USP39: variants seen among roughly 807,000 people sequenced by gnomAD.
USP39 encodes the protein ubiquitin carboxyl-terminal hydrolase 39.
A neutral mutation model predicts 66.4 loss-of-function variants in USP39; 38 were observed. That is an observed-to-expected ratio of 0.57 (90% CI 0.44 to 0.75). The LOEUF (loss-of-function observed/expected upper bound fraction) is 0.75, where lower values mean the gene tolerates loss of function less well. Among genes scored for constraint, USP39 ranks in the 30% least tolerant of loss-of-function variants. The pLI is 0.00. For synonymous variants in USP39, 303 were observed against 274.6 expected (o/e 1.10, Z -1.02); for missense variants, 608 against 714.4 (o/e 0.85, Z 1.70).
At position 85,616,264 on chromosome 2, in the gene USP39, C is replaced by T. The variant is rs764364602; in HGVS notation, c.69C>T (p.Gly23=). ...GGAAGCGAGAGTCTGAGTCGCGGGG[C>T]AGCTCCGGTCGCGTCAAGCGGGAGC... ...TRGKRESESR[G]SSGRVKRERD... The change falls in exon 1 of 13, where the codon GGC becomes GGT. Residue 23 remains glycine (G), a synonymous_variant. Transcript: ENST00000323701. The T allele has an allele frequency of 4.6e-6, 7 of 1,533,644 alleles. No individual in the cohort carries two copies. Among genetic ancestry groups the T allele is most frequent in the Non-Finnish European group, 6.1e-6 (7 of 1,138,664 alleles).
intron 1 of USP39, among the ~76,000 whole-genome samples, chr2:85,604,473 A>C (rs556771424): frequency 1.0e-3 from 155 of 152,264 alleles, no homozygotes; most frequent in South Asian, 3.3e-3. Flanking sequence ...TGGCCTCTCA[A>C]AGTGCTGGGA....
chr2:85,625,439 T>C, intron 4 of USP39, 100 bp from the exon 5 acceptor site: 1 of 1,516,362 alleles, frequency 6.6e-7, no homozygotes, highest in South Asian at 1.1e-5. Context: ...TGGTGGGATG[T>C]TCATGGCCAA....
chr2:85,633,559 C>T (rs1675531199), intron 6 of USP39, among the ~76,000 whole-genome samples: 1 of 152,074 alleles, frequency 6.6e-6, no homozygotes, highest in Non-Finnish European at 1.5e-5. Flanking sequence ...TGCTTGAGCC[C>T]AGGAGTTAGA....
upstream of USP39, chr2:85,609,609 G>C: frequency 1.2e-6 from 2 of 1,613,344 alleles, no homozygotes; most frequent in East Asian, 2.2e-5. Flanking sequence ...ACCACAGTAA[G>C]AAAGAAGAGG....
rs768255282 is a variant in USP39, at chr2:85,616,238, G to T, written c.43G>T (p.Gly15Trp). 4.7e-6 allele frequency: 7 copies of T among 1,490,392 alleles called. No individual in the cohort carries two copies. The East Asian group carries it at 1.0e-4, about 22-fold the overall frequency. The allele number at this position is 1,490,392 out of a possible 1,614,324, so 92.3% of individuals were successfully genotyped here. The change falls in exon 1 of 13, where the codon GGG (glycine) becomes TGG (tryptophan). Residue 15 changes from glycine (G) to tryptophan (W), a missense_variant. Gly to Trp is a radical substitution (Grantham distance 184, BLOSUM62 -2). Around this residue, in one of 6 missense-constraint regions of USP39, gnomAD observed 207 missense variants for 145.7 expected, o/e 1.42. Coordinates refer to ENST00000323701, the MANE Select transcript of USP39 (RefSeq NM_006590.4). ...GCGGGAGTCTCGCGGTTCCACTCGC[G>T]GGAAGCGAGAGTCTGAGTCGCGGGG... ...SKRESRGSTRGKRESESRGSS... is the reference protein window; with the variant it reads ...SKRESRGSTRWKRESESRGSS...
upstream of USP39, chr2:85,616,181 C>T (rs768449573): frequency 1.1e-5 from 16 of 1,422,630 alleles, no homozygotes; most frequent in Non-Finnish European, 1.5e-5. Context: ...CTGGACGACT[C>T]GGCCGGTAGT....
chr2:85,617,469 G>A (rs2104213793), intron 1 of USP39, among the ~76,000 whole-genome samples: 1 of 152,250 alleles, frequency 6.6e-6, no homozygotes, highest in Middle Eastern at 3.4e-3. Flanking sequence ...AAGGATGTTC[G>A]TGTAGTGAGC....
intron 10 of USP39, among the ~76,000 whole-genome samples, chr2:85,642,969 G>A (rs993952702): frequency 6.6e-6 from 1 of 151,866 alleles, no homozygotes; most frequent in Non-Finnish European, 1.5e-5. Context: ...GGGCGCAGTG[G>A]CTCACATCTG....
chr2:85,625,016 A>C (rs927614598), intron 4 of USP39, among the ~76,000 whole-genome samples: 1 of 152,076 alleles, frequency 6.6e-6, no homozygotes, highest in African/African-American at 2.4e-5. Flanking sequence ...AACTGGGCTA[A>C]ATTCAGTGTT....
intron 3 of USP39, among the ~76,000 whole-genome samples, chr2:85,621,978 C>T (rs939661055): frequency 3.3e-5 from 5 of 152,034 alleles, no homozygotes; most frequent in Admixed American, 2.0e-4. Flanking sequence ...TGCCACCATG[C>T]CTGGCTAATT....
chr2:85,616,758 A>C (rs6732858), intron 1 of USP39, among the ~76,000 whole-genome samples: 15,148 of 148,182 alleles, frequency 0.1, 848 homozygotes, highest in South Asian at 0.18. Context: ...GCTCACTGCA[A>C]CCTCTGCCTC....
intron 2 of USP39, among the ~76,000 whole-genome samples, chr2:85,620,299 CA>C (rs1251958404): frequency 6.6e-6 from 1 of 151,720 alleles, no homozygotes; most frequent in Non-Finnish European, 1.5e-5. Context: ...GGCAGCATGG[CA>C]AAACTTCAGC....
At chr2:85,611,355 C>G, upstream of USP39, 13 of 1,442,464 alleles carry the variant, frequency 9.0e-6, no homozygotes, top group Non-Finnish European at 1.1e-5. Flanking sequence ...TCGCTCATCG[C>G]TGTGCCAGAC....
upstream of USP39, chr2:85,608,902 C>T (rs376446305): frequency 1.2e-4 from 199 of 1,606,032 alleles, no homozygotes; most frequent in Non-Finnish European, 1.5e-4. Context: ...AGAATTCTTC[C>T]GAGTGCAGTG....
At chr2:85,609,012 G>A (rs1292036629), upstream of USP39, 1 of 1,614,126 alleles carries the variant, frequency 6.2e-7, no homozygotes, top group Non-Finnish European at 8.5e-7. Context: ...TCGCATGGGT[G>A]GATCCAGAGG....
intron 8 of USP39, 142 bp from the exon 9 acceptor site, chr2:85,639,061 C>G (rs1372426951): frequency 2.7e-6 from 2 of 747,728 alleles, no homozygotes; most frequent in African/African-American, 3.6e-5. Context: ...CCAGGTGGTG[C>G]ATGCCAAACT....
At chr2:85,610,805 C>T (rs1673461202), upstream of USP39, 2 of 148,846 alleles carry the variant, frequency 1.3e-5, no homozygotes, top group Non-Finnish European at 3.0e-5. Context: ...GTTGCCCAGG[C>T]TGGAGTGCAG....
rs1676201922 is a variant in USP39 at position 85,641,074 on chromosome 2, C to T, written c.1383C>T (p.Asn461=). The change falls in exon 10 of 13, where the codon AAC becomes AAT. Residue 461 remains asparagine (N), a synonymous_variant. Transcript: ENST00000323701. The stretch of plus-strand genomic sequence containing the variant: ...GTATCAAGAGATTCACTAAGAACAA[C>T]TTCTTTGTTGAGAAGAATCCAACTA... ...IFCIKRFTKN[N]FFVEKNPTIV... 4.3e-6 allele frequency: 7 copies of T among 1,613,660 alleles called. No individual in the cohort carries two copies. Among genetic ancestry groups the T allele is most frequent in the Non-Finnish European group, 5.9e-6 (7 of 1,179,872 alleles).
At chr2:85,628,327 A>G (rs561309403) in intron 5 of USP39, among the ~76,000 whole-genome samples, 2 of 152,100 alleles carry the variant, frequency 1.3e-5, no homozygotes, top group African/African-American at 4.8e-5. Flanking sequence ...TTGTATTTTT[A>G]GTAGAGACGG....
Sources: gnomAD v4.1 joint callset for allele counts (sites outside exome capture counted in the v4.1 genomes callset) on GRCh38, gnomAD v4.1.1 for gene constraint, gnomAD v4.1.1 regional missense constraint, MANE v1.5 for transcripts, NCBI Gene and HGNC (gene_info 2026-07-23, HGNC 2026-07-21) for gene names.